FER: variants seen among roughly 807,000 people sequenced by gnomAD.
The protein encoded by FER is FER tyrosine kinase, also known as tyrosine-protein kinase Fer.
Under a neutral mutation model 111.0 loss-of-function variants are expected in FER, and 63 were observed. The observed-to-expected ratio is 0.57, with a 90% confidence interval of 0.46 to 0.70. The LOEUF (loss-of-function observed/expected upper bound fraction) is 0.70, where lower values mean the gene tolerates loss of function less well. Ranked by LOEUF, FER falls within the 30% of genes least tolerant of loss-of-function variation. FER has a pLI of 0.00. For synonymous variants in FER, 327 were observed against 313.9 expected, an observed-to-expected ratio of 1.04 and a Z score of -0.44; for missense variants, 914 against 954.0, an observed-to-expected ratio of 0.96 and a Z score of 0.55.
At chr5:108,960,253 T>C (rs1288494667) in intron 13 of FER, among the ~76,000 whole-genome samples, 1 of 152,138 alleles carries the variant, frequency 6.6e-6, no homozygotes, top group Non-Finnish European at 1.5e-5. Context: ...AACAAGTATT[T>C]TATTTCCTTT....
rs141811416 is a variant in FER, at chr5:109,161,605, T to G, written c.2049-19142T>G. Among the ~76,000 whole-genome samples, 187 of 152,286 alleles carry G rather than the reference T, an allele frequency of 1.2e-3. 1 individual carries two copies. The highest frequency in any genetic ancestry group is 4.4e-3 in the African/African-American group (184 of 41,564). ...TTTACAGCTACATAGCATTCCATGA[T>G]GTATATGTACCACATTTTCTTTATC... On this transcript the variant is annotated intron_variant, in intron 17 of 19. Transcript: ENST00000281092.
At chr5:109,094,529 C>T (rs1405817568) in intron 16 of FER, among the ~76,000 whole-genome samples, 1 of 152,124 alleles carries the variant, frequency 6.6e-6, no homozygotes, top group Non-Finnish European at 1.5e-5. Context: ...AGAGATACTA[C>T]TCTATCTGTA....
At chr5:108,751,044 T>C (rs983741768) in intron 1 of FER, among the ~76,000 whole-genome samples, 1 of 151,912 alleles carries the variant, frequency 6.6e-6, no homozygotes, top group African/African-American at 2.4e-5. Flanking sequence ...AATACAAAAT[T>C]AGCCGGGCAT....
chr5:109,145,273 A>C (rs1378847376), intron 17 of FER, among the ~76,000 whole-genome samples: 1 of 151,998 alleles, frequency 6.6e-6, no homozygotes, highest in Non-Finnish European at 1.5e-5. Context: ...TGCACAGCCA[A>C]AGCAGAGAAA....
At chr5:108,919,032 G>A (rs1429973509) in intron 10 of FER, among the ~76,000 whole-genome samples, 1 of 152,118 alleles carries the variant, frequency 6.6e-6, no homozygotes, top group Non-Finnish European at 1.5e-5. Context: ...GATAATTTCT[G>A]TGTTAAAAAT....
intron 13 of FER, among the ~76,000 whole-genome samples, chr5:108,971,299 C>CAGAAAGAA (rs1760635743): frequency 7.1e-6 from 1 of 140,752 alleles, no homozygotes; most frequent in East Asian, 2.0e-4. Flanking sequence ...AAAAAAAACC[C>CAGAAAGAA]AGAAAGAAAG....
intron 2 of FER, among the ~76,000 whole-genome samples, chr5:108,771,877 T>A (rs1301539144): frequency 6.6e-6 from 1 of 152,214 alleles, no homozygotes; most frequent in Non-Finnish European, 1.5e-5. Flanking sequence ...AAAATAACCA[T>A]AACATTAAGA....
intron 16 of FER, among the ~76,000 whole-genome samples, chr5:109,077,843 A>G (rs1480912267): frequency 6.6e-6 from 1 of 152,190 alleles, no homozygotes; most frequent in Non-Finnish European, 1.5e-5. Context: ...CATTATAAAG[A>G]ACTTTCAAAC....
intron 17 of FER, among the ~76,000 whole-genome samples, chr5:109,154,285 A>G (rs1755140908): frequency 6.6e-6 from 1 of 151,952 alleles, no homozygotes; most frequent in African/African-American, 2.4e-5. Context: ...ACCTTCAGAG[A>G]CTGTGCTATG....
intron 10 of FER, among the ~76,000 whole-genome samples, chr5:108,914,295 C>G (rs1399565063): frequency 1.3e-5 from 2 of 151,538 alleles, no homozygotes; most frequent in African/African-American, 4.8e-5. Flanking sequence ...CTTTCTATGG[C>G]TATCTTTTCA....
At chr5:108,886,009 C>T (rs1411629356) in intron 9 of FER, among the ~76,000 whole-genome samples, 1 of 151,682 alleles carries the variant, frequency 6.6e-6, no homozygotes, top group Admixed American at 6.6e-5. Context: ...TATAGATGAC[C>T]AAGTGGTTCT....
At chr5:109,145,222 A>G (rs1189586251) in intron 17 of FER, among the ~76,000 whole-genome samples, 1 of 151,970 alleles carries the variant, frequency 6.6e-6, no homozygotes, top group Non-Finnish European at 1.5e-5. Flanking sequence ...CACTGACTTC[A>G]CCCAGTATGT....
chr5:108,774,770 TC>T (rs1753309251), intron 2 of FER, among the ~76,000 whole-genome samples: 1 of 152,118 alleles, frequency 6.6e-6, no homozygotes, highest in South Asian at 2.1e-4. Context: ...TTGTTTTAGT[TC>T]CTTGAAAATT....
At chr5:108,853,773 C>G (rs1251045097) in intron 5 of FER, among the ~76,000 whole-genome samples, 2 of 152,134 alleles carry the variant, frequency 1.3e-5, no homozygotes, top group Non-Finnish European at 2.9e-5. Flanking sequence ...TTGGTAGTTC[C>G]TTTAAAACAC....
intron 1 of FER, among the ~76,000 whole-genome samples, chr5:108,750,573 C>T (rs992835010): frequency 6.6e-6 from 1 of 152,208 alleles, no homozygotes; most frequent in Non-Finnish European, 1.5e-5. Flanking sequence ...ATTAAATATA[C>T]ATAATCTAAA....
intron 13 of FER, among the ~76,000 whole-genome samples, chr5:109,007,939 A>C (rs546083668): frequency 2.6e-5 from 4 of 152,200 alleles, no homozygotes; most frequent in Non-Finnish European, 4.4e-5. Flanking sequence ...GTTTAAAATA[A>C]ATAAATTAGA....
intron 13 of FER, among the ~76,000 whole-genome samples, chr5:108,995,034 T>G (rs116449543): frequency 0.01 from 1,596 of 152,272 alleles, 24 homozygotes; most frequent in African/African-American, 0.036. Flanking sequence ...GTTTTCTAGA[T>G]GTAGGATCTC....
chr5:108,905,599 G>T (rs1322847757), intron 10 of FER, among the ~76,000 whole-genome samples: 1 of 152,130 alleles, frequency 6.6e-6, no homozygotes, highest in Non-Finnish European at 1.5e-5. Flanking sequence ...TTTTGGGAAA[G>T]GTGGGTCAAA....
At chr5:109,051,470 G>T in intron 16 of FER, 1 of 1,612,942 alleles carries the variant, frequency 6.2e-7, no homozygotes, top group Non-Finnish European at 8.5e-7. Context: ...GGCTGTGCGT[G>T]GGAGTTAGAG....
Sources: allele counts gnomAD v4.1 joint callset (sites outside exome capture counted in the v4.1 genomes callset), GRCh38; gene constraint gnomAD v4.1.1; transcripts MANE v1.5; gene names NCBI Gene and HGNC (gene_info 2026-07-23, HGNC 2026-07-21).